Variants in FRMD3 observed in about 807,000 individuals in gnomAD.
The protein encoded by FRMD3 is FERM domain containing 3, also known as FERM domain-containing protein 3.
Under a neutral mutation model 70.2 loss-of-function variants are expected in FRMD3, and 33 were observed. The ratio of observed to expected loss-of-function variants is 0.47; its 90% CI spans 0.36 to 0.63. The LOEUF (loss-of-function observed/expected upper bound fraction) is 0.63. Among genes scored for constraint, FRMD3 ranks in the 20% least tolerant of loss-of-function variants. FRMD3 has a pLI of 0.00. For missense variants in FRMD3, 632 were observed against 711.4 expected (o/e 0.89, Z 1.27); for synonymous variants, 279 against 255.9 (o/e 1.09, Z -0.86).
At chr9:83,557,196 T>C in the FRMD3 span, among the ~76,000 whole-genome samples, 523 of 152,314 alleles carry the variant, frequency 3.4e-3, 7 homozygotes, top group African/African-American at 0.012. Flanking sequence ...TGATAAGTCT[T>C]CTCTTCCAAG....
chr9:83,408,044 T>C (rs564346588), intron 1 of FRMD3, among the ~76,000 whole-genome samples: 10 of 151,738 alleles, frequency 6.6e-5, no homozygotes, highest in Non-Finnish European at 1.2e-4. Flanking sequence ...TCCTGCAAGA[T>C]GAGCATTCCC....
chr9:83,443,409 C>A (rs567236636), intron 1 of FRMD3, among the ~76,000 whole-genome samples: 8 of 152,126 alleles, frequency 5.3e-5, no homozygotes, highest in African/African-American at 1.9e-4. Flanking sequence ...TCCATCCTTG[C>A]GATAGTTTGC....
chr9:83,387,994 G>C (rs10868003), intron 2 of FRMD3, among the ~76,000 whole-genome samples: 56,965 of 151,840 alleles, frequency 0.38, 11,247 homozygotes, highest in Admixed American at 0.47. Flanking sequence ...GCCCATCCCT[G>C]ACGTCATGTC....
chr9:83,253,833 C>G (rs1832544181), intron 13 of FRMD3, among the ~76,000 whole-genome samples: 1 of 152,138 alleles, frequency 6.6e-6, no homozygotes, highest in Non-Finnish European at 1.5e-5. Context: ...TATTGTGGCA[C>G]TATTCACACT....
chr9:83,475,901 G>A (rs1333749057), intron 1 of FRMD3, among the ~76,000 whole-genome samples: 2 of 152,160 alleles, frequency 1.3e-5, no homozygotes, highest in African/African-American at 4.8e-5. Flanking sequence ...GAAAAAATGA[G>A]TGTTAGGTCC....
chr9:83,487,801 G>C (rs750612774), intron 1 of FRMD3, among the ~76,000 whole-genome samples: 1 of 152,144 alleles, frequency 6.6e-6, no homozygotes, highest in Non-Finnish European at 1.5e-5. Context: ...ATATCAGAAG[G>C]CTTTAGAAGA....
Position 83,310,499 on chromosome 9 carries a change from C to T in FRMD3, c.823G>A (p.Gly275Ser). The T allele has an allele frequency of 6.2e-7, 1 of 1,607,066 alleles. No individual in the cohort carries two copies. Among genetic ancestry groups the T allele is most frequent in the Non-Finnish European group, 8.5e-7 (1 of 1,178,124 alleles). ...KFEGKTFYVI[G>S]TQKEKKAMLA... ...CAGTATCTGACCTCCTTCTGGGTGC[C>T]AATCACATAAAATGTCTTCCCTTCA... The change falls in exon 9 of 14, where the codon GGC becomes AGC. Residue 275 changes from glycine to serine, a missense_variant. Coordinates refer to ENST00000304195, the MANE Select transcript of FRMD3 (RefSeq NM_174938.6).
intron 5 of FRMD3, among the ~76,000 whole-genome samples, chr9:83,340,979 G>C (rs75306085): frequency 1.8e-3 from 280 of 152,276 alleles, no homozygotes; most frequent in African/African-American, 6.4e-3. Context: ...AAGACGATGA[G>C]GGGCGACAGT....
intron 1 of FRMD3, among the ~76,000 whole-genome samples, chr9:83,425,788 T>A (rs1424374155): frequency 6.6e-6 from 1 of 150,864 alleles, no homozygotes; most frequent in Non-Finnish European, 1.5e-5. Flanking sequence ...ATGCCTGTAA[T>A]CCCAGCTACT....
chr9:83,446,828 T>C (rs1827489051), intron 1 of FRMD3, among the ~76,000 whole-genome samples: 1 of 152,064 alleles, frequency 6.6e-6, no homozygotes, highest in Non-Finnish European at 1.5e-5. Flanking sequence ...GGCACTTGAG[T>C]ATGGGGTGCT....
At chr9:83,481,899 C>A (rs1198589784) in intron 1 of FRMD3, among the ~76,000 whole-genome samples, 2 of 150,748 alleles carry the variant, frequency 1.3e-5, no homozygotes, top group South Asian at 2.1e-4. Flanking sequence ...TCTTTTTTTA[C>A]TGAGCATCTA....
At chr9:83,276,658 A>T (rs1587666275) in intron 13 of FRMD3, 1 of 152,248 alleles carries the variant, frequency 6.6e-6, no homozygotes, top group African/African-American at 2.4e-5. Flanking sequence ...AATGGTCGCT[A>T]CATGCAAAAC....
chr9:83,367,369 G>A lies in FRMD3; in HGVS notation c.295+5544C>T, dbSNP rs1266505747. On this transcript the variant is annotated intron_variant, in intron 3 of 13. Coordinates refer to ENST00000304195, the MANE Select transcript of FRMD3 (RefSeq NM_174938.6). ...TTTTAAGGTTCTAATTCCAGGTAGAGTGGGTTAATTGCAACCCACCCCATC... is the reference window on the plus strand; with the variant it reads ...TTTTAAGGTTCTAATTCCAGGTAGAATGGGTTAATTGCAACCCACCCCATC... 2.0e-5 allele frequency among the ~76,000 whole-genome samples: 3 copies of A among 152,184 alleles called. 1 individual carries two copies. Among genetic ancestry groups the A allele is most frequent in the East Asian group, 3.9e-4 (2 of 5,190 alleles).
chr9:83,319,614 G>T (rs568600326), intron 6 of FRMD3, among the ~76,000 whole-genome samples: 1 of 152,268 alleles, frequency 6.6e-6, no homozygotes, highest in African/African-American at 2.4e-5. Flanking sequence ...TAGAGATGGG[G>T]TTTCACCATG....
At chr9:83,262,122 GAAAATCC>G (rs1242537654) in intron 13 of FRMD3, among the ~76,000 whole-genome samples, 9 of 152,084 alleles carry the variant, frequency 5.9e-5, no homozygotes, top group Non-Finnish European at 1.3e-4. Context: ...ACTTAGTTTG[GAAAATCC>G]ATGTTGCTGA....
At chr9:83,342,741 T>C (rs13298900) in intron 5 of FRMD3, among the ~76,000 whole-genome samples, 11,748 of 150,090 alleles carry the variant, frequency 0.078, 636 homozygotes, top group Admixed American at 0.13. Context: ...GATAGTTAGA[T>C]AGACACAAAA....
At chr9:83,343,334 C>A (rs781580544) in intron 4 of FRMD3, 47 bp from the exon 5 acceptor site, 2 of 1,318,226 alleles carry the variant, frequency 1.5e-6, no homozygotes. Context: ...TGGCTGAAGT[C>A]TGGAAGAAGT....
At chr9:83,476,033 C>T (rs972477294) in intron 1 of FRMD3, among the ~76,000 whole-genome samples, 1 of 152,100 alleles carries the variant, frequency 6.6e-6, no homozygotes, top group South Asian at 2.1e-4. Context: ...TATTTCAGGT[C>T]CCATATCAAA....
chr9:83,529,078 T>G (rs970132771), intron 1 of FRMD3, among the ~76,000 whole-genome samples: 3 of 152,134 alleles, frequency 2.0e-5, no homozygotes, highest in Non-Finnish European at 2.9e-5. Flanking sequence ...AACAAAGAGG[T>G]GTATTCTCAC....
Sources: gnomAD v4.1 joint callset for allele counts (sites outside exome capture counted in the v4.1 genomes callset) on GRCh38, gnomAD v4.1.1 for gene constraint, MANE v1.5 for transcripts, NCBI Gene and HGNC (gene_info 2026-07-23, HGNC 2026-07-21) for gene names.